NDRG2: variants seen among roughly 807,000 people sequenced by gnomAD.
NDRG2 encodes protein NDRG2.
In NDRG2, 34 loss-of-function variants were observed where a neutral mutation model predicts 58.2. The observed-to-expected ratio is 0.58, with a 90% CI of 0.44 to 0.78. NDRG2 has a LOEUF of 0.78. Ranked by LOEUF, NDRG2 falls within the 30% of genes least tolerant of loss-of-function variation. NDRG2 has a pLI of 0.00. For synonymous variants in NDRG2, 187 were observed against 175.9 expected, an observed-to-expected ratio of 1.06 and a Z score of -0.50; for missense variants, 434 against 471.2, an observed-to-expected ratio of 0.92 and a Z score of 0.73.
intron 1 of NDRG2, chr14:21,033,854 A>C: frequency 6.2e-7 from 1 of 1,613,888 alleles, no homozygotes; most frequent in Non-Finnish European, 8.5e-7. Context: ...TACCTATTGG[A>C]TCAGCTTCAT....
intron 15 of NDRG2, 59 bp downstream of exon 15, chr14:21,017,928 T>A (rs1566450676): frequency 6.2e-7 from 1 of 1,613,686 alleles, no homozygotes; most frequent in East Asian, 2.2e-5. Flanking sequence ...CTAAAACGGT[T>A]CCACCCCGTC....
intron 1 of NDRG2, among the ~76,000 whole-genome samples, chr14:21,054,124 C>G (rs1168037749): frequency 2.6e-5 from 4 of 152,142 alleles, no homozygotes; most frequent in Admixed American, 6.5e-5. Context: ...TGCAGCACGG[C>G]CTGACACAGT....
chr14:21,052,412 G>A (rs967573637), intron 1 of NDRG2, among the ~76,000 whole-genome samples: 16 of 152,146 alleles, frequency 1.1e-4, no homozygotes, highest in African/African-American at 1.9e-4. Context: ...GGATTTGTAC[G>A]GCAAGGTTCG....
At chr14:21,018,415 G>A (rs754863174) in intron 13 of NDRG2, 42 bp downstream of exon 13, 55 of 1,612,470 alleles carry the variant, frequency 3.4e-5, no homozygotes, top group Non-Finnish European at 4.2e-5. Flanking sequence ...ATGTAGAGAG[G>A]ATATATGACT....
At chr14:21,064,315 T>C (rs1206807965) in intron 1 of NDRG2, among the ~76,000 whole-genome samples, 2 of 152,124 alleles carry the variant, frequency 1.3e-5, no homozygotes, top group African/African-American at 4.8e-5. Context: ...TTTTTTATTA[T>C]TTTTGAGACA....
At chr14:21,019,186 AT>A (rs751385782) in intron 10 of NDRG2, 26 bp from the exon 11 acceptor site, 2 of 1,601,312 alleles carry the variant, frequency 1.2e-6, no homozygotes, top group Non-Finnish European at 8.5e-7. Flanking sequence ...AAGAGTAGGA[AT>A]TTTAGGTGGG....
At chr14:21,034,078 T>C (rs778914543) in intron 1 of NDRG2, 2 of 1,614,022 alleles carry the variant, frequency 1.2e-6, no homozygotes, top group Non-Finnish European at 8.5e-7. Context: ...ACATAATGGA[T>C]CTTTGGGCAA....
chr14:21,052,924 C>T (rs1885528808), intron 1 of NDRG2, among the ~76,000 whole-genome samples: 2 of 152,164 alleles, frequency 1.3e-5, no homozygotes, highest in Non-Finnish European at 2.9e-5. Flanking sequence ...GACTAAGTGA[C>T]TCAAGTGCCC....
At chr14:21,047,126 T>A (rs898969823) in intron 1 of NDRG2, among the ~76,000 whole-genome samples, 2 of 152,232 alleles carry the variant, frequency 1.3e-5, no homozygotes, top group Non-Finnish European at 2.9e-5. Context: ...TTCCTATTTT[T>A]TAACCATGTG....
At chr14:21,021,501 GGTTCCTCAGGGATTAT>G (rs1164901637) in intron 6 of NDRG2, 5 of 381,436 alleles carry the variant, frequency 1.3e-5, no homozygotes, top group African/African-American at 1.0e-4. Context: ...AGGTCTATCT[GGTTCCTCAGGGATTAT>G]GTCACCCCCT....
At position 21,025,033 on chromosome 14, in the gene NDRG2, T is replaced by C. The variant is rs959307336; in HGVS notation, c.-1010A>G. ...CTCGCCTGCCCCTCCCCCTACCTGC[T>C]GCCGCCGCGGCCGCTTCCACCTTCA... On this transcript the variant is annotated 5_prime_UTR_variant, in exon 1 of 16. Coordinates refer to ENST00000556147, the MANE Select transcript of NDRG2 (RefSeq NM_001320329.2). The surrounding 1 kb of genome is among the most constrained non-coding windows in gnomAD (Gnocchi z 5.1). 6.1e-6 allele frequency: 6 copies of C among 985,724 alleles called. No homozygotes were observed. The highest frequency in any genetic ancestry group is 7.2e-6 in the Non-Finnish European group (6 of 830,414). 61.1% of individuals were successfully genotyped at this position (985,724 alleles called of 1,614,324 possible). A position where few individuals can be genotyped will look rare whatever the true frequency, so the allele number is the denominator to read the frequency against.
At position 21,016,906 on chromosome 14, in the gene NDRG2, C is replaced by G. The variant is rs773581739; in HGVS notation, c.*690G>C. 6.6e-6 allele frequency: 3 copies of G among 456,672 alleles called. No homozygotes were observed. The highest frequency in any genetic ancestry group is 4.6e-5 in the South Asian group (3 of 64,558). 28.3% of individuals were successfully genotyped at this position (456,672 alleles called of 1,614,324 possible). ...ATGCCAAGCCCCAAGCAGCCCAGCC[C>G]AAGCTTAGCTCCCTCCCCAGTCCCA... On this transcript the variant is annotated 3_prime_UTR_variant, in exon 16 of 16. Coordinates refer to ENST00000556147, the MANE Select transcript of NDRG2 (RefSeq NM_001320329.2).
chr14:21,018,959 A>G, intron 11 of NDRG2, 145 bp from the exon 12 acceptor site: 1 of 1,274,120 alleles, frequency 7.8e-7, no homozygotes, highest in Non-Finnish European at 1.1e-6. Flanking sequence ...AAGAGGATTC[A>G]AAGGGGGAAG....
chr14:21,033,535 C>A, intron 1 of NDRG2: 1 of 470,886 alleles, frequency 2.1e-6, no homozygotes. Context: ...TCACTGCCAA[C>A]TGGACACAGT....
intron 1 of NDRG2, among the ~76,000 whole-genome samples, chr14:21,045,799 G>A (rs953846403): frequency 2.6e-5 from 4 of 152,318 alleles, no homozygotes; most frequent in South Asian, 4.1e-4. Context: ...AAGTTCTGAA[G>A]TAACCTGTGG....
chr14:21,027,668 C>A (rs1883787525), upstream of NDRG2, among the ~76,000 whole-genome samples: 1 of 152,216 alleles, frequency 6.6e-6, no homozygotes, highest in South Asian at 2.1e-4. Context: ...CCTACACATG[C>A]AAGGCATATT....
intron 1 of NDRG2, among the ~76,000 whole-genome samples, chr14:21,069,968 G>T (rs1199801676): frequency 1.3e-5 from 2 of 152,218 alleles, no homozygotes; most frequent in African/African-American, 2.4e-5. Context: ...AGGCTAAACT[G>T]ATCCCGCGGG....
chr14:21,021,294 T>C (rs1367793486), intron 6 of NDRG2: 3 of 363,268 alleles, frequency 8.3e-6, no homozygotes, highest in Middle Eastern at 4.4e-4. Context: ...AGTGGCAAAG[T>C]GGTGAACCAG....
upstream of NDRG2, among the ~76,000 whole-genome samples, chr14:21,027,992 G>A (rs539601728): frequency 2.4e-4 from 37 of 152,268 alleles, no homozygotes; most frequent in African/African-American, 8.7e-4. Flanking sequence ...CCCTAATACC[G>A]TAAGGTTAGT....
Sources: gnomAD v4.1 joint callset for allele counts (sites outside exome capture counted in the v4.1 genomes callset) on GRCh38, gnomAD v4.1.1 for gene constraint, Gnocchi (gnomAD v3.1) non-coding constraint, MANE v1.5 for transcripts, NCBI Gene and HGNC (gene_info 2026-07-23, HGNC 2026-07-21) for gene names.